The following NSMCE2 variants were observed in gnomAD, a reference collection of about 807,000 sequenced individuals.
The protein encoded by NSMCE2 is E3 SUMO-protein ligase NSE2.
A neutral mutation model predicts 23.8 loss-of-function variants in NSMCE2; 24 were observed. The observed-to-expected ratio is 1.01, with a 90% CI of 0.73 to 1.42. NSMCE2 has a LOEUF of 1.42. NSMCE2 is among the 40% of genes most tolerant of loss of function. NSMCE2 has a pLI of 0.00. For synonymous variants in NSMCE2, 92 were observed against 94.1 expected (o/e 0.98, Z 0.13); for missense variants, 284 against 296.5 (o/e 0.96, Z 0.31).
intron 3 of NSMCE2, among the ~76,000 whole-genome samples, chr8:125,106,144 A>G (rs1265999132): frequency 6.6e-6 from 1 of 152,134 alleles, no homozygotes; most frequent in African/African-American, 2.4e-5. Flanking sequence ...TTCTGCATAT[A>G]ATTCAGCTCT....
At chr8:125,334,850 G>A (rs1830019403) in intron 5 of NSMCE2, among the ~76,000 whole-genome samples, 1 of 133,226 alleles carries the variant, frequency 7.5e-6, no homozygotes, top group Non-Finnish European at 1.5e-5. Context: ...TGACCTCCCA[G>A]GCTCAAGCAA....
Position 125,324,518 on chromosome 8 carries a change from C to CAA in NSMCE2, c.419-32684_419-32683dup, listed in dbSNP as rs71295841. Among the ~76,000 whole-genome samples the CAA allele has an allele frequency of 4.0e-3, 194 of 48,990 alleles. 5 individuals are homozygous for CAA. Among genetic ancestry groups the CAA allele is most frequent in the African/African-American group, 9.0e-3 (110 of 12,210 alleles). 32.1% of individuals were successfully genotyped at this position (48,990 alleles called of 152,430 possible). A position where few individuals can be genotyped will look rare whatever the true frequency, so the allele number is the denominator to read the frequency against. On this transcript the variant is annotated intron_variant, in intron 5 of 7. Coordinates refer to ENST00000287437, the MANE Select transcript of NSMCE2 (RefSeq NM_173685.4). Reference sequence around the variant, plus strand: ...TGATACATGCAGCAAGGTGCCAGACCAAAAAAAAAAAAAAAAAAGAGCATA... The same window carrying CAA: ...TGATACATGCAGCAAGGTGCCAGACCAAAAAAAAAAAAAAAAAAAAGAGCATA...
At chr8:125,155,099 G>C (rs1052549075) in intron 4 of NSMCE2, among the ~76,000 whole-genome samples, 1 of 152,146 alleles carries the variant, frequency 6.6e-6, no homozygotes, top group Non-Finnish European at 1.5e-5. Context: ...CTTCACCTCA[G>C]GATATGCGAA....
intron 5 of NSMCE2, among the ~76,000 whole-genome samples, chr8:125,193,374 C>T (rs1563710434): frequency 6.6e-6 from 1 of 152,138 alleles, no homozygotes; most frequent in East Asian, 1.9e-4. Context: ...TAAGAGACAA[C>T]ACACTTCTGT....
Position 125,245,040 on chromosome 8 carries a change from C to CAGG in NSMCE2, c.418+62788_418+62790dup, listed in dbSNP as rs1344405585. ...GCTCACACCTGTAATCCCAACACTTCAGGAGGCCAAGGCAGCAGATCACCT... is the reference window on the plus strand; with the variant it reads ...GCTCACACCTGTAATCCCAACACTTCAGGAGGAGGCCAAGGCAGCAGATCACCT... On this transcript the variant is annotated intron_variant, in intron 5 of 7. Transcript: ENST00000287437. 3.9e-5 allele frequency among the ~76,000 whole-genome samples: 6 copies of CAGG among 152,168 alleles called. No homozygotes were observed. The South Asian group carries it at 8.3e-4, about 21-fold the overall frequency.
chr8:125,219,135 A>G (rs557166616), intron 5 of NSMCE2, among the ~76,000 whole-genome samples: 1 of 152,340 alleles, frequency 6.6e-6, no homozygotes, highest in Admixed American at 6.5e-5. Flanking sequence ...ATGAACCATT[A>G]ATAATATACT....
chr8:125,234,463 A>C (rs1041908481), intron 5 of NSMCE2, among the ~76,000 whole-genome samples: 7 of 152,140 alleles, frequency 4.6e-5, no homozygotes, highest in Admixed American at 3.3e-4. Flanking sequence ...TCTTGCTCTG[A>C]ATCTTTCTTG....
intron 5 of NSMCE2, among the ~76,000 whole-genome samples, chr8:125,281,821 C>T (rs1190192345): frequency 6.6e-6 from 1 of 151,698 alleles, no homozygotes; most frequent in Non-Finnish European, 1.5e-5. Context: ...CTCAAGCAAT[C>T]CTCCCACTTC....
chr8:125,132,311 A>G (rs1307993082), intron 3 of NSMCE2, among the ~76,000 whole-genome samples: 1 of 152,168 alleles, frequency 6.6e-6, no homozygotes, highest in Non-Finnish European at 1.5e-5. Context: ...TATGTTGGCC[A>G]GGCTTAGGCA....
chr8:125,245,080 AAGACC>A (rs1217515335), intron 5 of NSMCE2, among the ~76,000 whole-genome samples: 1 of 152,112 alleles, frequency 6.6e-6, no homozygotes, highest in Non-Finnish European at 1.5e-5. Flanking sequence ...TCAGGAGTTC[AAGACC>A]AGCCCGACCA....
chr8:125,147,763 CTCTGTGTT>C (rs1375282602), intron 3 of NSMCE2, among the ~76,000 whole-genome samples: 1 of 152,180 alleles, frequency 6.6e-6, no homozygotes, highest in Non-Finnish European at 1.5e-5. Context: ...TAGTCAGTAA[CTCTGTGTT>C]TCTGTGTTTA....
At chr8:125,278,883 G>A (rs1047982048) in intron 5 of NSMCE2, among the ~76,000 whole-genome samples, 4 of 151,716 alleles carry the variant, frequency 2.6e-5, no homozygotes, top group African/African-American at 9.7e-5. Context: ...CTATTATCTA[G>A]CCAGGATTCA....
At chr8:125,302,228 A>T (rs1034858881) in intron 5 of NSMCE2, among the ~76,000 whole-genome samples, 9 of 152,338 alleles carry the variant, frequency 5.9e-5, no homozygotes, top group African/African-American at 1.7e-4. Flanking sequence ...AAATGCTGGG[A>T]TTACAGGCAT....
chr8:125,154,370 C>T (rs1821198895), intron 4 of NSMCE2, among the ~76,000 whole-genome samples: 1 of 152,124 alleles, frequency 6.6e-6, no homozygotes, highest in Non-Finnish European at 1.5e-5. Flanking sequence ...AACTTACCAA[C>T]AATCCCTGGG....
intron 4 of NSMCE2, among the ~76,000 whole-genome samples, chr8:125,174,239 G>A (rs1026275883): frequency 6.6e-6 from 1 of 151,952 alleles, no homozygotes; most frequent in Non-Finnish European, 1.5e-5. Flanking sequence ...GCACAATGGG[G>A]ACCACTTTTG....
At chr8:125,117,586 C>T (rs1490153335) in intron 3 of NSMCE2, among the ~76,000 whole-genome samples, 1 of 152,026 alleles carries the variant, frequency 6.6e-6, no homozygotes, top group Non-Finnish European at 1.5e-5. Flanking sequence ...GTCGCCCAAG[C>T]TCACAGTAGT....
At chr8:125,222,783 G>T (rs1052971362) in intron 5 of NSMCE2, among the ~76,000 whole-genome samples, 1 of 152,102 alleles carries the variant, frequency 6.6e-6, no homozygotes, top group Non-Finnish European at 1.5e-5. Flanking sequence ...ACTCTTAGAG[G>T]CGGGGTGCAG....
intron 3 of NSMCE2, among the ~76,000 whole-genome samples, chr8:125,150,347 C>T (rs1470012356): frequency 6.9e-6 from 1 of 144,970 alleles, no homozygotes; most frequent in African/African-American, 2.6e-5. Flanking sequence ...CCTTGTGACT[C>T]TTGTTTTTAA....
chr8:125,219,559 T>G (rs1447564755), intron 5 of NSMCE2, among the ~76,000 whole-genome samples: 1 of 152,232 alleles, frequency 6.6e-6, no homozygotes, highest in South Asian at 2.1e-4. Context: ...ACACATTTCA[T>G]TCTTGTGAAT....
Sources: allele counts gnomAD v4.1 joint callset (sites outside exome capture counted in the v4.1 genomes callset), GRCh38; gene constraint gnomAD v4.1.1; transcripts MANE v1.5; gene names NCBI Gene and HGNC (gene_info 2026-07-23, HGNC 2026-07-21).